The following RELN variants were observed in gnomAD, a reference collection of about 807,000 sequenced individuals.
RELN encodes the protein reelin.
A neutral mutation model predicts 427.6 loss-of-function variants in RELN; 108 were observed. That is an observed-to-expected ratio of 0.25 (90% CI 0.22 to 0.30). The LOEUF (loss-of-function observed/expected upper bound fraction) is 0.30. Ranked by LOEUF, RELN falls within the 10% of genes least tolerant of loss-of-function variation. The pLI is 1.00. For synonymous variants in RELN, 1,524 were observed against 1,513.4 expected, an observed-to-expected ratio of 1.01 and a Z score of -0.16; for missense variants, 3,715 against 4,302.8, an observed-to-expected ratio of 0.86 and a Z score of 3.82.
At chr7:103,802,600 T>A (rs551279427) in intron 3 of RELN, among the ~76,000 whole-genome samples, 1 of 152,154 alleles carries the variant, frequency 6.6e-6, no homozygotes, top group Non-Finnish European at 1.5e-5. Flanking sequence ...TTGAGAAGCA[T>A]CTTGTTTAGT....
intron 4 of RELN, among the ~76,000 whole-genome samples, chr7:103,762,591 G>C (rs527735045): frequency 6.6e-6 from 1 of 152,202 alleles, no homozygotes; most frequent in African/African-American, 2.4e-5. Context: ...CCAATGCTGA[G>C]CACAATGTCT....
intron 6 of RELN, 51 bp downstream of exon 6, chr7:103,749,357 CTTAAAGGAGCAGTCAGCA>C: frequency 1.6e-6 from 2 of 1,216,980 alleles, no homozygotes; most frequent in Non-Finnish European, 2.4e-6. Flanking sequence ...GTAACTGCTC[CTTAAAGGAGCAGTCAGCA>C]TCATTTGTTA....
At position 103,557,196 on chromosome 7, in the gene RELN, G is replaced by A. The variant is rs1830544183; in HGVS notation, c.5615-37C>T. 5.3e-6 allele frequency: 8 copies of A among 1,514,178 alleles called. No individual in the cohort carries two copies. The South Asian group carries it at 6.8e-5, about 13-fold the overall frequency. The allele number at this position is 1,514,178 out of a possible 1,614,324, so 93.8% of individuals were successfully genotyped here. ...ATAACACAGGTATAAAACATACTGT[G>A]ATAAAAATGGGGAAATGGTATGTTC... On this transcript the variant is annotated intron_variant, in intron 37 of 64. Transcript: ENST00000428762.
intron 41 of RELN, among the ~76,000 whole-genome samples, chr7:103,549,563 T>A (rs1163929571): frequency 6.6e-6 from 1 of 152,244 alleles, no homozygotes; most frequent in Admixed American, 6.5e-5. Flanking sequence ...TCGACAGCTA[T>A]GCTTCTCTTG....
chr7:103,554,612 A>G (rs550871794), intron 38 of RELN, among the ~76,000 whole-genome samples: 29 of 151,906 alleles, frequency 1.9e-4, no homozygotes, highest in African/African-American at 6.3e-4. Flanking sequence ...GCTTGCAACC[A>G]TATTAAATTG....
chr7:103,503,906 A>C (rs926879873), intron 51 of RELN, among the ~76,000 whole-genome samples: 21 of 151,476 alleles, frequency 1.4e-4, no homozygotes, highest in Non-Finnish European at 2.4e-4. Flanking sequence ...AAAAAAAAAA[A>C]AAAAAAAAAA....
At chr7:103,817,199 C>T (rs990269234) in intron 3 of RELN, among the ~76,000 whole-genome samples, 1 of 152,148 alleles carries the variant, frequency 6.6e-6, no homozygotes, top group Admixed American at 6.6e-5. Context: ...TTCTGTTTTC[C>T]ACTCTTCTGC....
intron 1 of RELN, among the ~76,000 whole-genome samples, chr7:103,926,251 C>G (rs1795733289): frequency 6.6e-6 from 1 of 151,864 alleles, no homozygotes; most frequent in African/African-American, 2.4e-5. Context: ...CGGGTACGTG[C>G]CATCAGGCCA....
At chr7:103,864,757 C>G (rs1297500938) in intron 2 of RELN, among the ~76,000 whole-genome samples, 2 of 151,780 alleles carry the variant, frequency 1.3e-5, no homozygotes, top group Non-Finnish European at 2.9e-5. Context: ...AAAAAAACAA[C>G]AAAACTGAGT....
intron 2 of RELN, among the ~76,000 whole-genome samples, chr7:103,863,710 A>G (rs556565067): frequency 4.6e-5 from 7 of 152,314 alleles, no homozygotes; most frequent in South Asian, 4.1e-4. Flanking sequence ...CTCTGAGATT[A>G]GTAAAATGGA....
intron 10 of RELN, among the ~76,000 whole-genome samples, chr7:103,684,009 G>T (rs768034827): frequency 3.6e-4 from 54 of 152,100 alleles, no homozygotes; most frequent in African/African-American, 1.2e-3. Context: ...TGTTCTCAAG[G>T]TTTGCAGTGG....
chr7:103,690,411 C>A (rs758346144), intron 10 of RELN, among the ~76,000 whole-genome samples: 1 of 152,078 alleles, frequency 6.6e-6, no homozygotes, highest in East Asian at 1.9e-4. Flanking sequence ...ATGTGCCTTT[C>A]GTTCTTAAAT....
chr7:103,751,058 C>T (rs1431384645), intron 5 of RELN, among the ~76,000 whole-genome samples: 5 of 152,088 alleles, frequency 3.3e-5, no homozygotes, highest in Non-Finnish European at 7.4e-5. Context: ...ATAATTATTT[C>T]TATTCATGTT....
At chr7:103,621,606 T>G (rs186298404) in intron 20 of RELN, among the ~76,000 whole-genome samples, 133 of 152,082 alleles carry the variant, frequency 8.7e-4, no homozygotes, top group African/African-American at 2.8e-3. Flanking sequence ...GTGACTGGAA[T>G]AGACTGAGTG....
intron 28 of RELN, 23 bp downstream of exon 28, chr7:103,589,573 C>G: frequency 6.7e-7 from 1 of 1,492,204 alleles, no homozygotes; most frequent in Non-Finnish European, 9.4e-7. Context: ...ATGGCCCAAA[C>G]CCATTAAGAA....
chr7:103,575,462 A>C (rs1830976582), intron 29 of RELN, 86 bp downstream of exon 29: 1 of 1,399,278 alleles, frequency 7.1e-7, no homozygotes. Flanking sequence ...TTCAGAATTT[A>C]TTTCTTTGGG....
At chr7:103,815,620 G>A (rs555909187) in intron 3 of RELN, among the ~76,000 whole-genome samples, 41 of 152,286 alleles carry the variant, frequency 2.7e-4, no homozygotes, top group African/African-American at 9.9e-4. Context: ...AGCATTATGA[G>A]CTGTGAAAAG....
intron 2 of RELN, among the ~76,000 whole-genome samples, chr7:103,893,356 G>A (rs1414369412): frequency 1.3e-5 from 2 of 151,994 alleles, no homozygotes; most frequent in African/African-American, 2.4e-5. Flanking sequence ...ATTTTCACAG[G>A]GAAATAAAGT....
At chr7:103,661,708 T>G (rs966410891) in intron 11 of RELN, among the ~76,000 whole-genome samples, 181 bp from the exon 12 acceptor site, 3 of 152,218 alleles carry the variant, frequency 2.0e-5, no homozygotes, top group Non-Finnish European at 4.4e-5. Flanking sequence ...AGGTAGTGAA[T>G]ACACTTTAAA....
Sources: gnomAD v4.1 joint callset for allele counts (sites outside exome capture counted in the v4.1 genomes callset) on GRCh38, gnomAD v4.1.1 for gene constraint, MANE v1.5 for transcripts, NCBI Gene and HGNC (gene_info 2026-07-23, HGNC 2026-07-21) for gene names.